The following LRPPRC variants were observed in gnomAD, a reference collection of about 807,000 sequenced individuals.
LRPPRC encodes leucine rich pentatricopeptide repeat containing.
In LRPPRC, 120 loss-of-function variants were observed where a neutral mutation model predicts 180.3. The ratio of observed to expected loss-of-function variants is 0.67; its 90% CI spans 0.57 to 0.77. The LOEUF (loss-of-function observed/expected upper bound fraction) is 0.77. Ranked by LOEUF, LRPPRC falls within the 30% of genes least tolerant of loss-of-function variation. The pLI is 0.00. For missense variants in LRPPRC, 2,012 were observed against 1,657.2 expected (o/e 1.21, Z -3.72); for synonymous variants, 723 against 600.0 (o/e 1.21, Z -3.00).
At position 43,960,526 on chromosome 2, in the gene LRPPRC, ATGT is replaced by A; in HGVS notation, c.1582+12_1582+14del. On this transcript the variant is annotated intron_variant, in intron 13 of 37. Transcript: ENST00000260665. Reference sequence around the variant, plus strand: ...TAAACATCTATCAAGTTTACCGCTAATGTTGTATACTTACAAAATGATAATACA... The same window carrying A: ...TAAACATCTATCAAGTTTACCGCTAATGTATACTTACAAAATGATAATACA... 1.5e-6 allele frequency: 2 copies of A among 1,337,254 alleles called. No individual in the cohort carries two copies. Among genetic ancestry groups the A allele is most frequent in the South Asian group, 2.3e-5 (2 of 85,524 alleles). 82.8% of individuals were successfully genotyped at this position (1,337,254 alleles called of 1,614,324 possible).
intron 26 of LRPPRC, 147 bp downstream of exon 26, chr2:43,925,746 C>A: frequency 1.4e-6 from 1 of 705,082 alleles, no homozygotes; most frequent in South Asian, 1.5e-5. Flanking sequence ...AAGAAATAAG[C>A]CATTGCTTAT....
At chr2:43,907,389 T>C (rs1157181737) in intron 30 of LRPPRC, among the ~76,000 whole-genome samples, 1 of 152,212 alleles carries the variant, frequency 6.6e-6, no homozygotes, top group Non-Finnish European at 1.5e-5. Context: ...GAGATCTTTA[T>C]ATTGGAATCA....
chr2:43,995,617 G>A (rs916220421), intron 1 of LRPPRC, among the ~76,000 whole-genome samples, 182 bp downstream of exon 1: 9 of 152,240 alleles, frequency 5.9e-5, no homozygotes, highest in African/African-American at 1.4e-4. Context: ...ACCTTCTGAA[G>A]GCGCTTAACC....
At chr2:43,905,835 T>G in intron 30 of LRPPRC, 55 bp from the exon 31 acceptor site, 1 of 1,090,060 alleles carries the variant, frequency 9.2e-7, no homozygotes, top group Non-Finnish European at 1.4e-6. Context: ...GATACGATAA[T>G]AAATGGTTGA....
chr2:43,947,230 A>G lies in LRPPRC; in HGVS notation c.2079+27T>C, dbSNP rs201642008. 334 of 1,153,708 alleles carry G rather than the reference A, an allele frequency of 2.9e-4. 2 individuals carry two copies. The South Asian group carries it at 3.6e-3, about 13-fold the overall frequency. The allele number at this position is 1,153,708 out of a possible 1,614,324, so 71.5% of individuals were successfully genotyped here. Reference sequence around the variant, plus strand: ...TTACCAAGAATTTTTTGCCTTAATAATATTTAAATATTAAAACAAATGTTA... The same window carrying G: ...TTACCAAGAATTTTTTGCCTTAATAGTATTTAAATATTAAAACAAATGTTA... On this transcript the variant is annotated intron_variant, in intron 20 of 37. Coordinates refer to ENST00000260665, the MANE Select transcript of LRPPRC (RefSeq NM_133259.4).
At chr2:43,977,979 C>A (rs1283685472) in intron 3 of LRPPRC, among the ~76,000 whole-genome samples, 2 of 152,098 alleles carry the variant, frequency 1.3e-5, no homozygotes, top group Admixed American at 6.5e-5. Flanking sequence ...TGGTTAGTAT[C>A]TGGGGGTGAG....
Position 43,918,251 on chromosome 2 carries a change from A to AT in LRPPRC, c.3039+4dup, listed in dbSNP as rs1266933855. The stretch of plus-strand genomic sequence containing the variant: ...ATCTGTTACGATTATGCCAAAAACA[A>AT]TTACCTCAGGTACGTCAAACGGAAC... On this transcript the variant is annotated splice_donor_region_variant and intron_variant, in intron 28 of 37. Coordinates refer to ENST00000260665, the MANE Select transcript of LRPPRC (RefSeq NM_133259.4). 3 of 1,613,182 alleles carry AT rather than the reference A, an allele frequency of 1.9e-6. No homozygotes were observed. The highest frequency in any genetic ancestry group is 1.7e-4 in the Middle Eastern group (1 of 6,060).
intron 25 of LRPPRC, among the ~76,000 whole-genome samples, chr2:43,927,202 A>G (rs1001315767): frequency 3.3e-5 from 5 of 152,246 alleles, no homozygotes; most frequent in African/African-American, 9.6e-5. Context: ...TAGAGGAGGT[A>G]TCTTTACTGC....
chr2:43,963,550 C>T (rs935171699), intron 12 of LRPPRC, 38 bp downstream of exon 12: 1 of 1,190,362 alleles, frequency 8.4e-7, no homozygotes, highest in African/African-American at 1.5e-5. Context: ...GAAAGATATC[C>T]TCTTCAATTA....
chr2:43,973,429 T>A (rs1195398884), intron 11 of LRPPRC, among the ~76,000 whole-genome samples, 178 bp downstream of exon 11: 1 of 152,144 alleles, frequency 6.6e-6, no homozygotes, highest in Non-Finnish European at 1.5e-5. Context: ...AAGAAATCCA[T>A]CATGTTTTGT....
intron 1 of LRPPRC, among the ~76,000 whole-genome samples, chr2:43,982,936 T>C (rs1203030943): frequency 6.6e-6 from 1 of 151,448 alleles, no homozygotes; most frequent in Non-Finnish European, 1.5e-5. Context: ...TGCAGGGTTT[T>C]TTTTTTTAAG....
rs530075449 is a variant in LRPPRC at position 43,886,322 on chromosome 2, A to G, written c.*2278T>C. Among the ~76,000 whole-genome samples, 3 of 152,310 alleles carry G rather than the reference A, an allele frequency of 2.0e-5. No individual in the cohort carries two copies. Among genetic ancestry groups the G allele is most frequent in the African/African-American group, 4.8e-5 (2 of 41,568 alleles). On this transcript the variant is annotated 3_prime_UTR_variant, in exon 38 of 38. Coordinates refer to ENST00000260665, the MANE Select transcript of LRPPRC (RefSeq NM_133259.4). ...TATATATAAAATACTATAGTTCTCA[A>G]TAGTTTACAGTGACATCTTTTTTAG...
In LRPPRC at chr2:43,907,688, T is replaced by C. The variant is rs76249584; in HGVS notation, c.3276-1908A>G. ...GGATAGCAGAGAATTCTAGACATTTTATTTTTAGAACTGTCAAAATGAAGG... is the reference window on the plus strand; with the variant it reads ...GGATAGCAGAGAATTCTAGACATTTCATTTTTAGAACTGTCAAAATGAAGG... On this transcript the variant is annotated intron_variant, in intron 30 of 37. Coordinates refer to ENST00000260665, the MANE Select transcript of LRPPRC (RefSeq NM_133259.4). Among the ~76,000 whole-genome samples the C allele has an allele frequency of 3.2e-3, 485 of 152,342 alleles. 22 individuals carry two copies. In the East Asian group the frequency reaches 0.085, roughly 27 times the overall value.
intron 29 of LRPPRC, among the ~76,000 whole-genome samples, chr2:43,913,020 G>C (rs1303244679): frequency 6.6e-6 from 1 of 152,100 alleles, no homozygotes; most frequent in Non-Finnish European, 1.5e-5. Context: ...GGTTACAATG[G>C]TTAACATTTC....
intron 12 of LRPPRC, among the ~76,000 whole-genome samples, chr2:43,961,257 T>G (rs7565148): frequency 0.38 from 58,121 of 152,000 alleles, 12,500 homozygotes; most frequent in Non-Finnish European, 0.49. Context: ...GAAACAAATA[T>G]GAGAGAAGTG....
At position 43,925,938 on chromosome 2, in the gene LRPPRC, A is replaced by C. The variant is rs1382332647; in HGVS notation, c.2760T>G (p.Ser920=). The C allele has an allele frequency of 6.2e-7, 1 of 1,611,916 alleles. No homozygotes were observed. The highest frequency in any genetic ancestry group is 1.1e-5 in the South Asian group (1 of 91,050). ...IIETPGIRAR[S]ARLQWFCDRC... The stretch of plus-strand genomic sequence containing the variant: ...TGTCACAAAACCACTGAAGCCTTGC[A>C]GATCGAGCTCTAATCCCTGGAGTCT... Residue 920 remains serine, a synonymous_variant, in exon 26 of 38, where the codon TCT becomes TCG. Coordinates refer to ENST00000260665, the MANE Select transcript of LRPPRC (RefSeq NM_133259.4).
chr2:43,991,296 T>C (rs1262165915), intron 1 of LRPPRC, among the ~76,000 whole-genome samples: 2 of 152,244 alleles, frequency 1.3e-5, no homozygotes, highest in Admixed American at 6.5e-5. Flanking sequence ...CCTCCCAAAG[T>C]GCTGGGATTA....
chr2:43,969,725 A>G (rs1348540850), intron 11 of LRPPRC, among the ~76,000 whole-genome samples: 1 of 152,114 alleles, frequency 6.6e-6, no homozygotes, highest in Non-Finnish European at 1.5e-5. Context: ...ACAGCATCTC[A>G]CTTTGTCACG....
chr2:43,907,778 T>A (rs1234168893), intron 30 of LRPPRC, among the ~76,000 whole-genome samples: 1 of 152,148 alleles, frequency 6.6e-6, no homozygotes, highest in African/African-American at 2.4e-5. Context: ...AAAATTAAAC[T>A]ATCTTAACCA....
Sources: gnomAD v4.1 joint callset for allele counts (sites outside exome capture counted in the v4.1 genomes callset) on GRCh38, gnomAD v4.1.1 for gene constraint, MANE v1.5 for transcripts, NCBI Gene and HGNC (gene_info 2026-07-23, HGNC 2026-07-21) for gene names.